GCNT4: variants seen among roughly 807,000 people sequenced by gnomAD.
GCNT4 encodes beta-1,3-galactosyl-O-glycosyl-glycoprotein beta-1,6-N-acetylglucosaminyltransferase 4.
In GCNT4, 17 loss-of-function variants were observed where a neutral mutation model predicts 31.3. That is an observed-to-expected ratio of 0.54 (90% CI 0.37 to 0.81). The LOEUF (loss-of-function observed/expected upper bound fraction) is 0.81, where lower values mean the gene tolerates loss of function less well. GCNT4 is among the 40% of genes least tolerant of loss of function. GCNT4 has a pLI of 0.00. For missense variants in GCNT4, 503 were observed against 525.5 expected (o/e 0.96, Z 0.42); for synonymous variants, 158 against 190.6 (o/e 0.83, Z 1.41).
the GCNT4 span, among the ~76,000 whole-genome samples, chr5:75,017,853 C>A: frequency 1.3e-5 from 2 of 152,164 alleles, no homozygotes; most frequent in Non-Finnish European, 2.9e-5. Context: ...TCCTATGAAT[C>A]CCTGCACCTA....
intron 3 of GCNT4, among the ~76,000 whole-genome samples, chr5:75,044,266 G>A (rs113747566): frequency 1.5e-4 from 23 of 152,048 alleles, no homozygotes; most frequent in African/African-American, 4.8e-4. Context: ...CTGAGCCACC[G>A]CCTGAATGTG....
Position 75,026,962 on chromosome 5 carries a change from T to C in GCNT4, c.*1714A>G, listed in dbSNP as rs1259746020. The C allele has an allele frequency of 1.3e-5, 2 of 152,078 alleles. No individual in the cohort carries two copies. The highest frequency in any genetic ancestry group is 4.8e-5 in the African/African-American group (2 of 41,414). 9.4% of individuals were successfully genotyped at this position (152,078 alleles called of 1,614,324 possible). ...AAGTGGTGTCAGTTGGCAGTTAGTA[T>C]TATGAACTTTAAAATGAGCAAAGTG... is the stretch of plus-strand genomic sequence containing the variant. On this transcript the variant is annotated 3_prime_UTR_variant, in exon 4 of 4. Transcript: ENST00000652361.
chr5:75,039,153 C>T (rs1052763822), intron 3 of GCNT4, among the ~76,000 whole-genome samples: 1 of 152,040 alleles, frequency 6.6e-6, no homozygotes, highest in African/African-American at 2.4e-5. Flanking sequence ...GGCACAATCT[C>T]GGCTCACTGC....
chr5:75,029,973 G>T lies in GCNT4; in HGVS notation c.65C>A (p.Thr22Asn). 1.9e-6 allele frequency: 3 copies of T among 1,612,760 alleles called. No homozygotes were observed. In the East Asian group the frequency reaches 6.7e-5, roughly 36 times the overall value. ...CTTTAACAAAGAGAGCAGCCATAGG[G>T]TTAAAAACAGGATGAAAACTTTCTG... ...LQQKVFILFL[T>N]LWLLSLLKLL... The change falls in exon 4 of 4, where the codon ACC (threonine) becomes AAC (asparagine). Residue 22 changes from threonine (T) to asparagine (N), a missense_variant. Coordinates refer to ENST00000652361, the MANE Select transcript of GCNT4 (RefSeq NM_001366737.1).
chr5:75,027,369 AT>A lies in GCNT4; in HGVS notation c.*1306del, dbSNP rs1742970773. 2.9e-5 allele frequency: 4 copies of A among 139,416 alleles called. No homozygotes were observed. Among genetic ancestry groups the A allele is most frequent in the African/African-American group, 8.0e-5 (3 of 37,696 alleles). The allele number at this position is 139,416 out of a possible 1,614,324, so 8.6% of individuals were successfully genotyped here. On this transcript the variant is annotated 3_prime_UTR_variant, in exon 4 of 4. Coordinates refer to ENST00000652361, the MANE Select transcript of GCNT4 (RefSeq NM_001366737.1). The stretch of plus-strand genomic sequence containing the variant: ...GTATATATAATATATATATTTATAT[AT>A]TATATATGTAATGGAATTGTTCTAT...
intron 3 of GCNT4, among the ~76,000 whole-genome samples, chr5:75,034,396 C>A (rs1165116891): frequency 6.6e-6 from 1 of 152,220 alleles, no homozygotes; most frequent in Non-Finnish European, 1.5e-5. Flanking sequence ...GGAACCAGCT[C>A]CTTAGGTCTG....
chr5:75,037,757 A>G (rs1743230363), intron 3 of GCNT4, among the ~76,000 whole-genome samples: 1 of 152,092 alleles, frequency 6.6e-6, no homozygotes. Context: ...ACACACCTGT[A>G]ATCCCAGCTA....
In GCNT4 at chr5:75,029,852, A is replaced by T; in HGVS notation, c.186T>A (p.His62Gln). The T allele has an allele frequency of 1.2e-6, 2 of 1,614,112 alleles. No individual in the cohort carries two copies. The highest frequency in any genetic ancestry group is 1.7e-6 in the Non-Finnish European group (2 of 1,180,002). ...CTTCATACCTGACTTCATCCTTAAC[A>T]TGAGTGTATCTGTTTCTTACAAAAG... ...TSPFVRNRYTHVKDEVRYEVN... is the reference protein window; with the variant it reads ...TSPFVRNRYTQVKDEVRYEVN... The change falls in exon 4 of 4, where the codon CAT (histidine) becomes CAA (glutamine). Residue 62 changes from histidine to glutamine, a missense_variant. Transcript: ENST00000652361.
At chr5:75,050,414 A>T (rs1218194887) in intron 2 of GCNT4, among the ~76,000 whole-genome samples, 2 of 152,090 alleles carry the variant, frequency 1.3e-5, no homozygotes, top group African/African-American at 4.8e-5. Context: ...AGGCTCCCTC[A>T]TCTTAAAGTA....
Position 75,029,541 on chromosome 5 carries a change from C to G in GCNT4, c.497G>C (p.Arg166Pro). The G allele has an allele frequency of 6.2e-7, 1 of 1,614,090 alleles. No individual in the cohort carries two copies. Among genetic ancestry groups the G allele is most frequent in the Non-Finnish European group, 8.5e-7 (1 of 1,180,024 alleles). ...AACTTTGAAGGTATCAGGTGCCTTA[C>G]GATCATAATGGATGCAGTAAATATT... ...QHNIYCIHYD[R>P]KAPDTFKVAM... is the part of the protein sequence containing the mutation. Residue 166 changes from arginine (R) to proline (P), a missense_variant, in exon 4 of 4, where the codon CGT becomes CCT. Physicochemically the swap from Arg to Pro is moderately radical, Grantham distance 103. Transcript: ENST00000652361.
upstream of GCNT4, among the ~76,000 whole-genome samples, chr5:75,053,627 C>T (rs755284146): frequency 2.2e-4 from 33 of 152,010 alleles, no homozygotes; most frequent in Non-Finnish European, 4.1e-4. Context: ...GGCTCGCTCT[C>T]GCCGCGCTCC....
chr5:75,045,284 C>G (rs1002283800), intron 3 of GCNT4, among the ~76,000 whole-genome samples: 2 of 152,180 alleles, frequency 1.3e-5, no homozygotes, highest in African/African-American at 4.8e-5. Context: ...AACACTAACC[C>G]CACAATATCC....
Position 75,029,765 on chromosome 5 carries a change from T to C in GCNT4, c.273A>G (p.Arg91=). The change falls in exon 4 of 4, where the codon AGA becomes AGG. Residue 91 remains arginine (R), a synonymous_variant. Coordinates refer to ENST00000652361, the MANE Select transcript of GCNT4 (RefSeq NM_001366737.1). Reference sequence around the variant, plus strand: ...CCTCCAAGTCAATGATGTCCCTTCTTCTTATTTCCAGACTCTTTCCAATTT... The same window carrying C: ...CCTCCAAGTCAATGATGTCCCTTCTCCTTATTTCCAGACTCTTTCCAATTT... ...PLEIGKSLEI[R]RRDIIDLEDD... The C allele has an allele frequency of 6.2e-7, 1 of 1,614,146 alleles. No homozygotes were observed. Among genetic ancestry groups the C allele is most frequent in the African/African-American group, 1.3e-5 (1 of 75,034 alleles).
In GCNT4 at chr5:75,036,785, A is replaced by G. The variant is rs573114435; in HGVS notation, c.-1-6747T>C. The stretch of plus-strand genomic sequence containing the variant: ...AGCCCGTAGAATCAATTCAAGGAAA[A>G]GAGAGCAAGCTCATCCTGAGGGACT... On this transcript the variant is annotated intron_variant, in intron 3 of 3. Transcript: ENST00000652361. Among the ~76,000 whole-genome samples, 96 of 152,360 alleles carry G rather than the reference A, an allele frequency of 6.3e-4. 1 individual carries two copies. In the South Asian group the frequency reaches 7.3e-3, roughly 12 times the overall value.
chr5:75,017,322 A>T, the GCNT4 span: 2 of 152,330 alleles, frequency 1.3e-5, no homozygotes, highest in East Asian at 3.9e-4. Flanking sequence ...TCAAGATAAA[A>T]CAAAAGCTGG....
chr5:75,017,397 G>T, the GCNT4 span: 1 of 152,150 alleles, frequency 6.6e-6, no homozygotes, highest in East Asian at 1.9e-4. Flanking sequence ...TGAGCATTCA[G>T]AAATTTTCAA....
intron 3 of GCNT4, among the ~76,000 whole-genome samples, chr5:75,046,746 G>C (rs1424262082): frequency 6.6e-6 from 1 of 152,190 alleles, no homozygotes; most frequent in Non-Finnish European, 1.5e-5. Flanking sequence ...CAATAAAAGA[G>C]CTAGAAGCAC....
In GCNT4 at chr5:75,026,109, C is replaced by T. The variant is rs191421741; in HGVS notation, c.*2567G>A. On this transcript the variant is annotated 3_prime_UTR_variant, in exon 4 of 4. Coordinates refer to ENST00000652361, the MANE Select transcript of GCNT4 (RefSeq NM_001366737.1). Reference sequence around the variant, plus strand: ...AGTCCAGAGAAATGTGTGAATGTCTCGAAGGCACTTTCTCCGCTTCATCCT... The same window carrying T: ...AGTCCAGAGAAATGTGTGAATGTCTTGAAGGCACTTTCTCCGCTTCATCCT... 1.5e-4 allele frequency: 23 copies of T among 152,234 alleles called. No homozygotes were observed. The highest frequency in any genetic ancestry group is 4.8e-4 in the African/African-American group (20 of 41,538). The allele number at this position is 152,234 out of a possible 1,614,324, so 9.4% of individuals were successfully genotyped here.
At chr5:75,020,011 T>G in the GCNT4 span, among the ~76,000 whole-genome samples, 1 of 152,208 alleles carries the variant, frequency 6.6e-6, no homozygotes, top group African/African-American at 2.4e-5. Context: ...TTGTTAGGTG[T>G]GATAATGGCT....
Sources: allele counts gnomAD v4.1 joint callset (sites outside exome capture counted in the v4.1 genomes callset), GRCh38; gene constraint gnomAD v4.1.1; transcripts MANE v1.5; gene names NCBI Gene and HGNC (gene_info 2026-07-23, HGNC 2026-07-21).